CNTNAP2: variants seen among roughly 807,000 people sequenced by gnomAD.
The protein encoded by CNTNAP2 is contactin-associated protein-like 2.
Under a neutral mutation model 155.2 loss-of-function variants are expected in CNTNAP2, and 98 were observed. The observed-to-expected ratio is 0.63, with a 90% CI of 0.54 to 0.75. The LOEUF is 0.75. CNTNAP2 is among the 30% of genes least tolerant of loss of function. The pLI is 0.00. For synonymous variants in CNTNAP2, 651 were observed against 631.2 expected, an observed-to-expected ratio of 1.03 and a Z score of -0.47; for missense variants, 1,727 against 1,688.1, an observed-to-expected ratio of 1.02 and a Z score of -0.40.
intron 3 of CNTNAP2, among the ~76,000 whole-genome samples, chr7:146,849,763 G>A (rs1014183298): frequency 4.6e-5 from 7 of 151,942 alleles, no homozygotes; most frequent in Non-Finnish European, 8.8e-5. Context: ...GTATTATTAC[G>A]AATGCTATCA....
chr7:148,011,828 G>C (rs1475764199), intron 15 of CNTNAP2, among the ~76,000 whole-genome samples: 1 of 152,198 alleles, frequency 6.6e-6, no homozygotes, highest in Non-Finnish European at 1.5e-5. Flanking sequence ...TTCTGGCCAA[G>C]ACAGATGACA....
At chr7:146,936,193 C>T (rs1253248913) in intron 3 of CNTNAP2, among the ~76,000 whole-genome samples, 1 of 152,106 alleles carries the variant, frequency 6.6e-6, no homozygotes, top group Non-Finnish European at 1.5e-5. Flanking sequence ...ATTCTTAAAA[C>T]AAAATTACGG....
In CNTNAP2 at chr7:146,526,946, G is replaced by A. The variant is rs140814623; in HGVS notation, c.98-247325G>A. On this transcript the variant is annotated intron_variant, in intron 1 of 23. Transcript: ENST00000361727. The stretch of plus-strand genomic sequence containing the variant: ...TTTCTTTTTCTTTAGTAGAGATGAA[G>A]TTTTACTATATTGCCCAGGCTGGTC... 4.9e-4 allele frequency among the ~76,000 whole-genome samples: 74 copies of A among 152,138 alleles called. 1 individual carries two copies. Among genetic ancestry groups the A allele is most frequent in the Admixed American group, 2.3e-3 (35 of 15,270 alleles).
At chr7:147,870,703 A>G (rs183427462) in intron 13 of CNTNAP2, among the ~76,000 whole-genome samples, 43 of 152,312 alleles carry the variant, frequency 2.8e-4, no homozygotes, top group Admixed American at 2.3e-3. Context: ...TTCTGCTTAT[A>G]TCAGAGATAG....
chr7:148,407,703 TAAAA>T (rs57666141), intron 22 of CNTNAP2, among the ~76,000 whole-genome samples: 8 of 93,126 alleles, frequency 8.6e-5, no homozygotes, highest in Admixed American at 5.4e-4. Context: ...GACCAAATCT[TAAAA>T]AAAAAAAAAA....
At chr7:147,891,746 G>A (rs993639177) in intron 13 of CNTNAP2, among the ~76,000 whole-genome samples, 7 of 151,978 alleles carry the variant, frequency 4.6e-5, no homozygotes, top group Admixed American at 4.6e-4. Flanking sequence ...ATCTTATAAT[G>A]AAAGATACTA....
At chr7:147,084,865 T>TTG (rs1278307713) in intron 4 of CNTNAP2, among the ~76,000 whole-genome samples, 4 of 149,998 alleles carry the variant, frequency 2.7e-5, no homozygotes, top group Non-Finnish European at 4.4e-5. Context: ...CATATAGTGT[T>TTG]TGTGTGTGTA....
intron 13 of CNTNAP2, among the ~76,000 whole-genome samples, chr7:147,890,725 C>T (rs968070605): frequency 1.3e-5 from 2 of 152,142 alleles, no homozygotes; most frequent in African/African-American, 4.8e-5. Context: ...ACCACATCAT[C>T]TCACTTATAT....
chr7:147,488,435 A>G (rs1190056393), intron 11 of CNTNAP2, among the ~76,000 whole-genome samples: 1 of 152,152 alleles, frequency 6.6e-6, no homozygotes, highest in African/African-American at 2.4e-5. Flanking sequence ...CTTATTCTGT[A>G]TTCTGTGGGT....
intron 9 of CNTNAP2, among the ~76,000 whole-genome samples, chr7:147,322,861 G>A (rs1256191749): frequency 2.9e-4 from 38 of 131,592 alleles, no homozygotes; most frequent in African/African-American, 1.1e-3. Flanking sequence ...GTTTATTTGC[G>A]TAGAGGTGTT....
intron 10 of CNTNAP2, among the ~76,000 whole-genome samples, chr7:147,407,880 A>G (rs4726858): frequency 0.65 from 99,553 of 152,106 alleles, 33,958 homozygotes; most frequent in African/African-American, 0.86. Flanking sequence ...AGGCAGGAAC[A>G]TGCCAGGCAA....
rs1405297462 is a variant in CNTNAP2 at position 147,317,776 on chromosome 7, A to ATATG, written c.1498+17487_1498+17488insATGT. 3.1e-3 allele frequency among the ~76,000 whole-genome samples: 413 copies of ATATG among 134,302 alleles called. 2 individuals are homozygous for ATATG. Among genetic ancestry groups the ATATG allele is most frequent in the South Asian group, 0.017 (74 of 4,448 alleles). The allele number at this position is 134,302 out of a possible 152,430, so 88.1% of individuals were successfully genotyped here. A position where few individuals can be genotyped will look rare whatever the true frequency, so the allele number is the denominator to read the frequency against. On this transcript the variant is annotated intron_variant, in intron 9 of 23. Transcript: ENST00000361727. ...TCAAAAAAAGGATATATATATATATATGTGTGTGTGTGTGTGTGTGTGTAT... is the reference window on the plus strand; with the variant it reads ...TCAAAAAAAGGATATATATATATATATATGTGTGTGTGTGTGTGTGTGTGTGTAT...
intron 6 of CNTNAP2, 48 bp from the exon 7 acceptor site, chr7:147,128,645 C>A: frequency 6.2e-7 from 1 of 1,606,396 alleles, no homozygotes; most frequent in East Asian, 2.2e-5. Flanking sequence ...TTGTCTAGTT[C>A]ATCATAATAC....
At chr7:148,118,004 G>A in intron 15 of CNTNAP2, 114 bp from the exon 16 acceptor site, 1 of 1,204,216 alleles carries the variant, frequency 8.3e-7, no homozygotes. Context: ...CAGAATGAGA[G>A]AAAATAATGA....
intron 1 of CNTNAP2, among the ~76,000 whole-genome samples, chr7:146,217,571 GAGTC>G (rs1347191525): frequency 6.6e-6 from 1 of 152,094 alleles, no homozygotes; most frequent in African/African-American, 2.4e-5. Context: ...TTTAAGGTAA[GAGTC>G]AGGAATCAAA....
intron 8 of CNTNAP2, among the ~76,000 whole-genome samples, chr7:147,182,850 C>T (rs554414367): frequency 2.0e-5 from 3 of 152,114 alleles, no homozygotes; most frequent in South Asian, 4.1e-4. Flanking sequence ...GTATTCAGTA[C>T]ACAAAGATGA....
At position 148,218,745 on chromosome 7, in the gene CNTNAP2, T is replaced by C. The variant is rs542893158; in HGVS notation, c.3247+1221T>C. Among the ~76,000 whole-genome samples the C allele has an allele frequency of 2.6e-5, 4 of 151,980 alleles. No individual in the cohort carries two copies. The South Asian group carries it at 8.3e-4, about 32-fold the overall frequency. ...GGCCATCTTGGTCGTCAAACACACA[T>C]TAAGCCAGAGAGGATCTGAGTGCAC... On this transcript the variant is annotated intron_variant, in intron 19 of 23. Transcript: ENST00000361727.
At chr7:148,106,309 T>C (rs1804215675) in intron 15 of CNTNAP2, among the ~76,000 whole-genome samples, 1 of 152,094 alleles carries the variant, frequency 6.6e-6, no homozygotes, top group South Asian at 2.1e-4. Context: ...AAGATCTAAC[T>C]TATGCACAAA....
chr7:146,461,269 G>A (rs1354288905), intron 1 of CNTNAP2, among the ~76,000 whole-genome samples: 1 of 151,924 alleles, frequency 6.6e-6, no homozygotes, highest in Non-Finnish European at 1.5e-5. Context: ...GCTGGGCGTG[G>A]TGGCAGGCAC....
Sources: allele counts gnomAD v4.1 joint callset (sites outside exome capture counted in the v4.1 genomes callset), GRCh38; gene constraint gnomAD v4.1.1; transcripts MANE v1.5; gene names NCBI Gene and HGNC (gene_info 2026-07-23, HGNC 2026-07-21).